Variants in PIWIL1 observed in about 807,000 individuals in gnomAD.
PIWIL1 encodes the protein piwi-like protein 1.
In PIWIL1, 73 loss-of-function variants were observed where a neutral mutation model predicts 114.4. The ratio of observed to expected loss-of-function variants is 0.64; its 90% CI spans 0.53 to 0.78. PIWIL1 has a LOEUF of 0.78. Ranked by LOEUF, PIWIL1 falls within the 30% of genes least tolerant of loss-of-function variation. The pLI, the probability that PIWIL1 is intolerant of heterozygous loss-of-function variation, is 0.00. For missense variants in PIWIL1, 723 were observed against 1,063.1 expected (o/e 0.68, Z 4.45); for synonymous variants, 375 against 369.0 (o/e 1.02, Z -0.19).
intron 1 of PIWIL1, chr12:130,339,354 C>A (rs2072832087): frequency 6.6e-6 from 1 of 152,272 alleles, no homozygotes; most frequent in African/African-American, 2.4e-5. Context: ...GCAGCCTGTT[C>A]TCTGAGCGCT....
the PIWIL1 span, among the ~76,000 whole-genome samples, chr12:130,387,999 A>C: frequency 2.6e-5 from 4 of 152,232 alleles, no homozygotes; most frequent in African/African-American, 9.7e-5. Flanking sequence ...TTAAATCTCT[A>C]GAGTAGAGCG....
chr12:130,350,669 G>A (rs150158142), intron 9 of PIWIL1, among the ~76,000 whole-genome samples: 150 of 152,284 alleles, frequency 9.9e-4, no homozygotes, highest in African/African-American at 3.5e-3. Context: ...CATTTGATAT[G>A]TTAAAAGCGC....
Position 130,343,051 on chromosome 12 carries a change from T to C in PIWIL1, c.140T>C (p.Phe47Ser), listed in dbSNP as rs934170329. 1.2e-6 allele frequency: 2 copies of C among 1,613,964 alleles called. No individual in the cohort carries two copies. The highest frequency in any genetic ancestry group is 2.7e-5 in the African/African-American group (2 of 74,936). Reference sequence around the variant, plus strand: ...CCGCCACCAGCAGAGGGGGAATTATTTGGCCGTGGACGGCAGAGAGGAACA... The same window carrying C: ...CCGCCACCAGCAGAGGGGGAATTATCTGGCCGTGGACGGCAGAGAGGAACA... ...PQPPPAEGELFGRGRQRGTAG... is the reference protein window; with the variant it reads ...PQPPPAEGELSGRGRQRGTAG... The change falls in exon 3 of 21, where the codon TTT becomes TCT. Residue 47 changes from phenylalanine to serine, a missense_variant. Phe to Ser is a radical substitution (Grantham distance 155). Coordinates refer to ENST00000245255, the MANE Select transcript of PIWIL1 (RefSeq NM_004764.5).
the PIWIL1 span, among the ~76,000 whole-genome samples, chr12:130,395,589 C>T: frequency 6.6e-6 from 1 of 152,156 alleles, no homozygotes; most frequent in Non-Finnish European, 1.5e-5. Context: ...AACTCTTCAA[C>T]TTTTCCTGTA....
chr12:130,337,906 A>G lies in PIWIL1; in HGVS notation c.-253A>G. On this transcript the variant is annotated 5_prime_UTR_variant, in exon 1 of 21. Transcript: ENST00000245255. ...TCCGCCGTTACTGGGCGTATGGCGT[A>G]CAGACACGAGGCCGGCGCCCGGGAG... 6.3e-6 allele frequency: 1 copy of G among 159,986 alleles called. No individual in the cohort carries two copies. The highest frequency in any genetic ancestry group is 1.4e-5 in the Non-Finnish European group (1 of 73,492). 9.9% of individuals were successfully genotyped at this position (159,986 alleles called of 1,614,324 possible).
the PIWIL1 span, among the ~76,000 whole-genome samples, chr12:130,423,314 G>T: frequency 1.3e-5 from 2 of 152,218 alleles, no homozygotes; most frequent in African/African-American, 2.4e-5. Context: ...GGCAGGGGAG[G>T]CTGCGGGCTG....
Position 130,349,986 on chromosome 12 carries a change from G to A in PIWIL1, c.1044+19G>A, listed in dbSNP as rs752295919. The A allele has an allele frequency of 9.5e-6, 13 of 1,367,260 alleles. No homozygotes were observed. Among genetic ancestry groups the A allele is most frequent in the Non-Finnish European group, 1.3e-5 (13 of 972,790 alleles). 84.7% of individuals were successfully genotyped at this position (1,367,260 alleles called of 1,614,324 possible). On this transcript the variant is annotated intron_variant, in intron 9 of 20. Coordinates refer to ENST00000245255, the MANE Select transcript of PIWIL1 (RefSeq NM_004764.5). ...CAGGAAGGTAAGATGCCAGTGGTTA[G>A]ATCTCAGGAGAAATCCAAAATATCT... is the stretch of plus-strand genomic sequence containing the variant.
chr12:130,342,398 T>C, intron 1 of PIWIL1, 182 bp from the exon 2 acceptor site: 1 of 603,556 alleles, frequency 1.7e-6, no homozygotes, highest in South Asian at 2.2e-5. Flanking sequence ...GGTAAGCAAC[T>C]GAGTTTGTTG....
the PIWIL1 span, chr12:130,414,102 G>A: frequency 1.4e-4 from 232 of 1,613,010 alleles, no homozygotes; most frequent in Admixed American, 2.0e-4. Context: ...TGATGAAGCC[G>A]CCCGCAGGCA....
chr12:130,350,191 C>G (rs1430205249), intron 9 of PIWIL1, among the ~76,000 whole-genome samples: 3 of 152,174 alleles, frequency 2.0e-5, no homozygotes, highest in African/African-American at 7.2e-5. Flanking sequence ...TTCCCTTTTT[C>G]CAGTAGAATG....
rs760290334 is a variant in PIWIL1, at chr12:130,367,304, G to A, written c.2321+46G>A. 3 of 1,567,848 alleles carry A rather than the reference G, an allele frequency of 1.9e-6. No individual in the cohort carries two copies. In the East Asian group the frequency reaches 6.9e-5, roughly 36 times the overall value. Reference sequence around the variant, plus strand: ...TGAAGGTTGTTTTCTCCTTGGTGGTGGTTTCTTTAGCATGGCCCCTATGCT... The same window carrying A: ...TGAAGGTTGTTTTCTCCTTGGTGGTAGTTTCTTTAGCATGGCCCCTATGCT... On this transcript the variant is annotated intron_variant, in intron 19 of 20. Transcript: ENST00000245255.
chr12:130,381,356 C>A, the PIWIL1 span, among the ~76,000 whole-genome samples: 1 of 152,190 alleles, frequency 6.6e-6, no homozygotes, highest in African/African-American at 2.4e-5. Flanking sequence ...CCCGTTGTAA[C>A]CACTCATGTT....
the PIWIL1 span, chr12:130,407,786 C>A: frequency 6.2e-7 from 1 of 1,614,162 alleles, no homozygotes; most frequent in Admixed American, 1.7e-5. Flanking sequence ...CCACCATTCT[C>A]CGCGTCGATA....
In PIWIL1 at chr12:130,357,082, C is replaced by A; in HGVS notation, c.1569C>A (p.Gly523=). 1 of 1,609,448 alleles carries A rather than the reference C, an allele frequency of 6.2e-7. No homozygotes were observed. Among genetic ancestry groups the A allele is most frequent in the Non-Finnish European group, 8.5e-7 (1 of 1,177,246 alleles). The part of the protein sequence containing the change: ...QNLFKVTPAM[G]MQMRKAIMIE... ...TATTTAAAGTTACACCAGCCATGGG[C>A]ATGCAAATGAGAAAAGCAATAATGT... The change falls in exon 13 of 21, where the codon GGC becomes GGA. Residue 523 remains glycine, a synonymous_variant. Coordinates refer to ENST00000245255, the MANE Select transcript of PIWIL1 (RefSeq NM_004764.5).
intron 16 of PIWIL1, 132 bp downstream of exon 16, chr12:130,361,733 G>A: frequency 1.5e-6 from 1 of 665,944 alleles, no homozygotes; most frequent in Non-Finnish European, 2.6e-6. Context: ...ATTTAGGAAA[G>A]AAAAATAATG....
intron 19 of PIWIL1, among the ~76,000 whole-genome samples, chr12:130,368,326 A>G (rs376838541): frequency 6.6e-6 from 1 of 152,200 alleles, no homozygotes; most frequent in Non-Finnish European, 1.5e-5. Context: ...CAAAGTTGAC[A>G]TGTGGAACAC....
the PIWIL1 span, among the ~76,000 whole-genome samples, chr12:130,381,480 C>T: frequency 4.6e-5 from 7 of 152,154 alleles, no homozygotes; most frequent in South Asian, 2.1e-4. Context: ...AAGATTCCTC[C>T]GTGTCTTTGT....
At chr12:130,414,044 A>G in the PIWIL1 span, 1 of 1,421,812 alleles carries the variant, frequency 7.0e-7, no homozygotes, top group East Asian at 2.3e-5. Flanking sequence ...CTAAGTCGAT[A>G]CCCTGTTGCC....
At chr12:130,424,179 T>TG in the PIWIL1 span, 6 of 1,231,912 alleles carry the variant, frequency 4.9e-6, no homozygotes, top group African/African-American at 6.2e-5. The surrounding 1 kb of genome is among the most constrained non-coding windows in gnomAD (Gnocchi z 9.8). Context: ...TGGCTTTGCG[T>TG]GGGGGGCAGC....
Sources: gnomAD v4.1 joint callset for allele counts (sites outside exome capture counted in the v4.1 genomes callset) on GRCh38, gnomAD v4.1.1 for gene constraint, Gnocchi (gnomAD v3.1) non-coding constraint, MANE v1.5 for transcripts, NCBI Gene and HGNC (gene_info 2026-07-23, HGNC 2026-07-21) for gene names.